Variants in SHANK2 observed in about 807,000 individuals in gnomAD.
The protein encoded by SHANK2 is SH3 and multiple ankyrin repeat domains 2, also known as SH3 and multiple ankyrin repeat domains protein 2.
SHANK2 carries 43 observed loss-of-function variants against 133.7 expected under a neutral mutation model. The ratio of observed to expected loss-of-function variants is 0.32; its 90% CI spans 0.25 to 0.41. SHANK2 has a LOEUF of 0.41. SHANK2 is among the 10% of genes least tolerant of loss of function. The pLI, the probability that SHANK2 is intolerant of heterozygous loss-of-function variation, is 1.00. For missense variants in SHANK2, 1,994 were observed against 2,235.8 expected (o/e 0.89, Z 2.18); for synonymous variants, 1,017 against 952.8 (o/e 1.07, Z -1.24).
chr11:70,690,499 T>TG (rs1945260837), intron 15 of SHANK2, among the ~76,000 whole-genome samples: 1 of 118,790 alleles, frequency 8.4e-6, no homozygotes, highest in Non-Finnish European at 1.7e-5. Context: ...TTTTTTTTTT[T>TG]TTTTTTTTTT....
At chr11:70,929,674 T>G (rs1950475935) in intron 10 of SHANK2, among the ~76,000 whole-genome samples, 1 of 152,210 alleles carries the variant, frequency 6.6e-6, no homozygotes, top group Non-Finnish European at 1.5e-5. Flanking sequence ...TGTGATAACA[T>G]GGGCCTGACT....
intron 10 of SHANK2, among the ~76,000 whole-genome samples, chr11:70,943,774 T>C (rs1950679580): frequency 6.6e-6 from 1 of 152,210 alleles, no homozygotes; most frequent in Non-Finnish European, 1.5e-5. Context: ...TCTGGATGGA[T>C]GCTTTGTTCT....
At chr11:70,759,045 G>A (rs1258005795) in intron 14 of SHANK2, among the ~76,000 whole-genome samples, 2 of 152,074 alleles carry the variant, frequency 1.3e-5, no homozygotes, top group African/African-American at 2.4e-5. Context: ...TGTAGTCCCA[G>A]CTACTCAGGA....
At chr11:70,796,219 G>A (rs1055356413) in intron 14 of SHANK2, among the ~76,000 whole-genome samples, 2 of 152,266 alleles carry the variant, frequency 1.3e-5, no homozygotes, top group East Asian at 1.9e-4. Flanking sequence ...GCAGGTGGAC[G>A]GGAAAAGCCC....
chr11:70,878,002 G>A (rs1226741945), intron 11 of SHANK2, among the ~76,000 whole-genome samples: 3 of 152,222 alleles, frequency 2.0e-5, no homozygotes, highest in South Asian at 2.1e-4. Context: ...GCGTGAGTCC[G>A]GCGAAGAATG....
intron 17 of SHANK2, among the ~76,000 whole-genome samples, chr11:70,593,834 T>C (rs1401667622): frequency 6.6e-6 from 1 of 152,178 alleles, no homozygotes; most frequent in African/African-American, 2.4e-5. Flanking sequence ...CCTTCGTTCG[T>C]TCGTTCATTC....
intron 15 of SHANK2, among the ~76,000 whole-genome samples, chr11:70,676,803 T>C (rs1944913061): frequency 6.6e-6 from 1 of 152,100 alleles, no homozygotes; most frequent in Non-Finnish European, 1.5e-5. Flanking sequence ...ACTCTAGTCA[T>C]TGGCAAGGAG....
At chr11:71,225,052 C>T (rs1159766725) in intron 1 of SHANK2, among the ~76,000 whole-genome samples, 1 of 152,194 alleles carries the variant, frequency 6.6e-6, no homozygotes, top group African/African-American at 2.4e-5. Flanking sequence ...ATGGTGTGAG[C>T]TCTCTGGGTT....
chr11:70,750,200 G>T (rs1320325622), intron 14 of SHANK2, among the ~76,000 whole-genome samples: 1 of 152,204 alleles, frequency 6.6e-6, no homozygotes, highest in Non-Finnish European at 1.5e-5. Flanking sequence ...CTGTCACCTG[G>T]CTGGGACTCA....
Position 71,097,941 on chromosome 11 carries a change from C to T in SHANK2, c.593-3253G>A, listed in dbSNP as rs540220675. On this transcript the variant is annotated intron_variant, in intron 6 of 25. Transcript: ENST00000601538. Reference sequence around the variant, plus strand: ...ATGTGTGCATGCCTGTTTGTGTGCACGCCTGTGTGTCTGTGCATGCCTGTG... The same window carrying T: ...ATGTGTGCATGCCTGTTTGTGTGCATGCCTGTGTGTCTGTGCATGCCTGTG... Among the ~76,000 whole-genome samples, 167 of 147,470 alleles carry T rather than the reference C, an allele frequency of 1.1e-3. 1 individual carries two copies. The highest frequency in any genetic ancestry group is 7.5e-3 in the Middle Eastern group (2 of 268).
intron 3 of SHANK2, among the ~76,000 whole-genome samples, chr11:71,135,303 G>A (rs1555104567): frequency 6.6e-6 from 1 of 152,174 alleles, no homozygotes; most frequent in Non-Finnish European, 1.5e-5. Flanking sequence ...AGCAGAGCCT[G>A]CACTAGGTGT....
intron 14 of SHANK2, among the ~76,000 whole-genome samples, chr11:70,783,631 C>T (rs189253827): frequency 1.1e-4 from 17 of 151,898 alleles, no homozygotes; most frequent in African/African-American, 3.6e-4. Flanking sequence ...CAACTGTGTG[C>T]GAGACCAGCC....
At chr11:70,573,319 T>TG (rs1174423851) in intron 17 of SHANK2, among the ~76,000 whole-genome samples, 131 of 2,704 alleles carry the variant, frequency 0.048, 4 homozygotes, top group East Asian at 0.12. Flanking sequence ...ACTCCAGCGG[T>TG]GGGGGGGGGG....
chr11:70,700,240 C>T (rs1222424832), intron 14 of SHANK2, among the ~76,000 whole-genome samples: 3 of 152,188 alleles, frequency 2.0e-5, no homozygotes, highest in South Asian at 2.1e-4. Flanking sequence ...TCTCCATCAT[C>T]GTCACTGACA....
At chr11:71,151,831 T>C (rs1332047615) in intron 2 of SHANK2, among the ~76,000 whole-genome samples, 2 of 152,006 alleles carry the variant, frequency 1.3e-5, no homozygotes, top group Non-Finnish European at 1.5e-5. Context: ...GGGGTGCATG[T>C]GTAGGAAGCC....
chr11:70,737,361 G>A (rs965223096), intron 14 of SHANK2, among the ~76,000 whole-genome samples: 1 of 152,190 alleles, frequency 6.6e-6, no homozygotes, highest in African/African-American at 2.4e-5. Flanking sequence ...CTCTGAAAAT[G>A]ATCCTCACCC....
intron 2 of SHANK2, among the ~76,000 whole-genome samples, chr11:71,178,934 G>A (rs1953497308): frequency 6.6e-6 from 1 of 152,172 alleles, no homozygotes; most frequent in African/African-American, 2.4e-5. Flanking sequence ...AGTGAGCTGA[G>A]GTTGCACCAC....
At chr11:70,841,130 G>C (rs2135430209) in intron 11 of SHANK2, among the ~76,000 whole-genome samples, 1 of 152,260 alleles carries the variant, frequency 6.6e-6, no homozygotes, top group African/African-American at 2.4e-5. Context: ...AATTAGCCAG[G>C]CATGGTAGCG....
At chr11:70,527,243 C>G (rs1477916095) in intron 17 of SHANK2, among the ~76,000 whole-genome samples, 2 of 152,210 alleles carry the variant, frequency 1.3e-5, no homozygotes, top group Non-Finnish European at 2.9e-5. Context: ...TCCCCACCCC[C>G]AGGACTCCTG....
Sources: allele counts gnomAD v4.1 joint callset (sites outside exome capture counted in the v4.1 genomes callset), GRCh38; gene constraint gnomAD v4.1.1; transcripts MANE v1.5; gene names NCBI Gene and HGNC (gene_info 2026-07-23, HGNC 2026-07-21).